PIAS3: variants seen among roughly 807,000 people sequenced by gnomAD.
PIAS3 encodes the protein protein inhibitor of activated STAT 3.
Under a neutral mutation model 67.6 loss-of-function variants are expected in PIAS3, and 34 were observed. The observed-to-expected ratio is 0.50, with a 90% CI of 0.38 to 0.67. The LOEUF (loss-of-function observed/expected upper bound fraction) is 0.67. Ranked by LOEUF, PIAS3 falls within the 30% of genes least tolerant of loss-of-function variation. The probability of loss-of-function intolerance (pLI) is 0.00; values close to 1 mark genes in which losing one functional copy is unlikely to be tolerated. For missense variants in PIAS3, 693 were observed against 791.6 expected (o/e 0.88, Z 1.49); for synonymous variants, 341 against 313.8 (o/e 1.09, Z -0.92).
chr1:145,853,343 G>A (rs1284984484), intron 9 of PIAS3, among the ~76,000 whole-genome samples, 161 bp downstream of exon 9: 1 of 151,402 alleles, frequency 6.6e-6, no homozygotes. Context: ...CCGGGAGGTG[G>A]AGGTTGCAGT....
At chr1:145,850,094 A>G (rs1559161943) in intron 13 of PIAS3, 138 bp downstream of exon 13, 1 of 1,513,606 alleles carries the variant, frequency 6.6e-7, no homozygotes. Flanking sequence ...TGAGGAGATA[A>G]TAAGATACCT....
At chr1:145,850,034 G>A in intron 13 of PIAS3, 198 bp downstream of exon 13, 1 of 1,445,296 alleles carries the variant, frequency 6.9e-7, no homozygotes. Context: ...AAGTAACAGG[G>A]GATCTAGGAA....
In PIAS3 at chr1:145,850,218, A is replaced by T; in HGVS notation, c.1620+14T>A. ...TTCAGAGATCTGAGACCTTCTGAAG[A>T]AAGAACCACTTACCTGACTCTCTGT... On this transcript the variant is annotated intron_variant, in intron 13 of 13. Transcript: ENST00000393045. 4 of 1,613,078 alleles carry T rather than the reference A, an allele frequency of 2.5e-6. No individual in the cohort carries two copies. Among genetic ancestry groups the T allele is most frequent in the Non-Finnish European group, 3.4e-6 (4 of 1,179,724 alleles).
In PIAS3 at chr1:145,859,010, C is replaced by G; in HGVS notation, c.-20G>C. 2 of 1,544,598 alleles carry G rather than the reference C, an allele frequency of 1.3e-6. No individual in the cohort carries two copies. The highest frequency in any genetic ancestry group is 2.4e-5 in the South Asian group (2 of 83,334). ...CGCCATCTTGAGACATCGCAGGCGC[C>G]CCAGCCGGAGCCGGAGCTCAGGCCC... On this transcript the variant is annotated 5_prime_UTR_variant, in exon 1 of 14. Coordinates refer to ENST00000393045, the MANE Select transcript of PIAS3 (RefSeq NM_006099.3).
rs367674643 is a variant in PIAS3 at position 145,853,679 on chromosome 1, G to T, written c.985-15C>A. ...ATCTTCCCTAGCTGAGGAGAAGCAA[G>T]TTCTCTTGTCAGAGGCCCTACTCTG... On this transcript the variant is annotated splice_polypyrimidine_tract_variant and intron_variant, in intron 8 of 13. Transcript: ENST00000393045. 5.5e-5 allele frequency: 89 copies of T among 1,612,876 alleles called. No individual in the cohort carries two copies. The highest frequency in any genetic ancestry group is 7.3e-5 in the Non-Finnish European group (86 of 1,179,356).
intron 9 of PIAS3, among the ~76,000 whole-genome samples, chr1:145,853,098 T>C (rs1356162317): frequency 6.6e-6 from 1 of 150,932 alleles, no homozygotes; most frequent in East Asian, 1.9e-4. Context: ...CTGAAGGAGG[T>C]GGTGGCTAAA....
At position 145,848,593 on chromosome 1, in the gene PIAS3, T is replaced by A; in HGVS notation, c.*853A>T. ...AGAAATAAAAAGTAAAATTACAACA[T>A]AGGTCCTAGGCCTTGGCGAGCCTGA... On this transcript the variant is annotated 3_prime_UTR_variant, in exon 14 of 14. Coordinates refer to ENST00000393045, the MANE Select transcript of PIAS3 (RefSeq NM_006099.3). 1.3e-6 allele frequency: 1 copy of A among 780,828 alleles called. No individual in the cohort carries two copies. The highest frequency in any genetic ancestry group is 1.7e-5 in the South Asian group (1 of 58,510). 48.4% of individuals were successfully genotyped at this position (780,828 alleles called of 1,614,324 possible).
At position 145,855,737 on chromosome 1, in the gene PIAS3, G is replaced by A. The variant is rs140039049; in HGVS notation, c.668C>T (p.Pro223Leu). The A allele has an allele frequency of 1.2e-4, 180 of 1,548,144 alleles. 1 individual carries two copies. Among genetic ancestry groups the A allele is most frequent in the East Asian group, 4.5e-5 (2 of 44,672 alleles). The change falls in exon 5 of 14, where the codon CCG becomes CTG. Residue 223 changes from proline (P) to leucine (L), a missense_variant and splice_region_variant. Transcript: ENST00000393045. ...VKVNGKLCPL[P>L]GYLPPTKNGA... ...ACAGAAGAAGGGGAGAGCATTTACC[G>A]GCAGGGGGCACAGTTTCCCATTGAC...
intron 1 of PIAS3, among the ~76,000 whole-genome samples, chr1:145,857,774 A>G (rs1002780224): frequency 1.3e-5 from 2 of 152,340 alleles, no homozygotes; most frequent in Admixed American, 6.5e-5. Flanking sequence ...TGTTTACTCT[A>G]TCTGCCAGGA....
intron 5 of PIAS3, 23 bp from the exon 6 acceptor site, chr1:145,854,903 A>G (rs782592074): frequency 1.2e-6 from 2 of 1,612,918 alleles, no homozygotes; most frequent in South Asian, 2.2e-5. Flanking sequence ...GGGATTGGTC[A>G]GTGGAGAAGT....
intron 13 of PIAS3, chr1:145,850,016 G>T: frequency 6.9e-7 from 1 of 1,440,978 alleles, no homozygotes; most frequent in Non-Finnish European, 9.1e-7. Context: ...GAGTAGGCCA[G>T]GGCAGAAAAG....
chr1:145,852,786 A>G (rs184451132), intron 9 of PIAS3, among the ~76,000 whole-genome samples: 64 of 151,914 alleles, frequency 4.2e-4, no homozygotes, highest in African/African-American at 1.5e-3. Context: ...TTATAGAGAG[A>G]GGGTCTACTA....
At position 145,856,105 on chromosome 1, in the gene PIAS3, C is replaced by T; in HGVS notation, c.541G>A (p.Gly181Arg). 1 of 1,613,886 alleles carries T rather than the reference C, an allele frequency of 6.2e-7. No individual in the cohort carries two copies. The highest frequency in any genetic ancestry group is 2.2e-5 in the East Asian group (1 of 44,884). Residue 181 changes from glycine (G) to arginine (R), a missense_variant, in exon 4 of 14, where the codon GGA becomes AGA. Physicochemically the swap from Gly to Arg is moderately radical, Grantham distance 125. Transcript: ENST00000393045. The part of the protein sequence containing the change: ...QILTSREVLP[G>R]AKCDYTIQVQ... Reference sequence around the variant, plus strand: ...TGTATGGTATAATCACATTTGGCTCCTGGCAGAACCTCTCTGTAACAGGGA... The same window carrying T: ...TGTATGGTATAATCACATTTGGCTCTTGGCAGAACCTCTCTGTAACAGGGA...
At chr1:145,852,996 T>TACACAC (rs370367599) in intron 9 of PIAS3, among the ~76,000 whole-genome samples, 1 of 149,776 alleles carries the variant, frequency 6.7e-6, no homozygotes, top group African/African-American at 2.4e-5. Context: ...CACATGCACA[T>TACACAC]ACACACACAC....
In PIAS3 at chr1:145,850,901, C is replaced by T. The variant is rs1219762071; in HGVS notation, c.1318G>A (p.Glu440Lys). 2 of 1,614,100 alleles carry T rather than the reference C, an allele frequency of 1.2e-6. No individual in the cohort carries two copies. The highest frequency in any genetic ancestry group is 8.5e-7 in the Non-Finnish European group (1 of 1,180,058). The change falls in exon 11 of 14, where the codon GAG (glutamate) becomes AAG (lysine). Residue 440 changes from glutamate (E) to lysine (K), a missense_variant. By Grantham distance (56) the Glu-to-Lys change is moderately conservative. Coordinates refer to ENST00000393045, the MANE Select transcript of PIAS3 (RefSeq NM_006099.3). The part of the protein sequence containing the change: ...YSPVQGGDPS[E>K]NKKKVEVIDL... Reference sequence around the variant, plus strand: ...ATAACTTCGACCTTCTTCTTATTCTCTGATGGATCTCCCCCCTGGACTGGG... The same window carrying T: ...ATAACTTCGACCTTCTTCTTATTCTTTGATGGATCTCCCCCCTGGACTGGG...
chr1:145,856,050 C>A lies in PIAS3; in HGVS notation c.578+18G>T. 1.2e-6 allele frequency: 2 copies of A among 1,609,452 alleles called. No individual in the cohort carries two copies. The highest frequency in any genetic ancestry group is 1.1e-5 in the South Asian group (1 of 90,984). On this transcript the variant is annotated intron_variant, in intron 4 of 13. Transcript: ENST00000393045. ...ACCCCCAGTGGGTACCCAGGATAGG[C>A]AGGGAGGATGAACTCACCTTAGCTG...
chr1:145,856,563 G>T, intron 2 of PIAS3, 26 bp downstream of exon 2: 3 of 1,578,232 alleles, frequency 1.9e-6, no homozygotes, highest in Non-Finnish European at 2.6e-6. Context: ...GAGTCCAGAA[G>T]ACTAAGGGAC....
chr1:145,850,702 A>G (rs587594243), intron 11 of PIAS3, 69 bp downstream of exon 11: 3 of 1,599,318 alleles, frequency 1.9e-6, no homozygotes, highest in East Asian at 2.2e-5. Context: ...GCTTTGTCCA[A>G]TGATCAGAAA....
chr1:145,849,487 A>T lies in PIAS3; in HGVS notation c.1846T>A (p.Ser616Thr). The part of the protein sequence containing the change: ...GHGGPLPSGP[S>T]LTGCRSDIIS... ...ATGTCTGACCGACAGCCAGTCAAAG[A>T]GGGACCTGAGGGCAGGGGTCCTCCA... The change falls in exon 14 of 14, where the codon TCT becomes ACT. Residue 616 changes from serine (S) to threonine (T), a missense_variant. Coordinates refer to ENST00000393045, the MANE Select transcript of PIAS3 (RefSeq NM_006099.3). 1 of 1,523,502 alleles carries T rather than the reference A, an allele frequency of 6.6e-7. No individual in the cohort carries two copies. 94.4% of individuals were successfully genotyped at this position (1,523,502 alleles called of 1,614,324 possible).
Sources: allele counts gnomAD v4.1 joint callset (sites outside exome capture counted in the v4.1 genomes callset), GRCh38; gene constraint gnomAD v4.1.1; transcripts MANE v1.5; gene names NCBI Gene and HGNC (gene_info 2026-07-23, HGNC 2026-07-21).